The following EHMT1 variants were observed in gnomAD, a reference collection of about 807,000 sequenced individuals.
EHMT1 encodes euchromatic histone lysine methyltransferase 1.
Under a neutral mutation model 147.2 loss-of-function variants are expected in EHMT1, and 15 were observed. That is an observed-to-expected ratio of 0.10 (90% CI 0.07 to 0.16). The LOEUF is 0.16. Ranked by LOEUF, EHMT1 falls within the 10% of genes least tolerant of loss-of-function variation. The pLI is 1.00. For missense variants in EHMT1, 1,587 were observed against 1,772.4 expected, an observed-to-expected ratio of 0.90 and a Z score of 1.88; for synonymous variants, 795 against 709.6, an observed-to-expected ratio of 1.12 and a Z score of -1.91.
chr9:137,751,379 C>T (rs1369527338), intron 6 of EHMT1, among the ~76,000 whole-genome samples: 1 of 152,194 alleles, frequency 6.6e-6, no homozygotes. Context: ...TGGTCTTGAA[C>T]TTCTGGCCTC....
intron 1 of EHMT1, among the ~76,000 whole-genome samples, chr9:137,694,024 G>A (rs1235596531): frequency 4.7e-5 from 5 of 105,512 alleles, no homozygotes; most frequent in South Asian, 3.7e-4. Context: ...CCCACCAGGC[G>A]ATGGTGCTGG....
At chr9:137,703,583 T>C (rs1944016763) in intron 1 of EHMT1, among the ~76,000 whole-genome samples, 1 of 152,178 alleles carries the variant, frequency 6.6e-6, no homozygotes, top group South Asian at 2.1e-4. Flanking sequence ...GTGCCGCCTG[T>C]CTCTTTGCTA....
intron 4 of EHMT1, among the ~76,000 whole-genome samples, chr9:137,730,567 A>G (rs1588421446): frequency 6.6e-6 from 1 of 152,170 alleles, no homozygotes; most frequent in African/African-American, 2.4e-5. Flanking sequence ...CTAGGATTAC[A>G]GGCGTGGGCC....
rs918450146 is a variant in EHMT1, at chr9:137,806,723, G to C, written c.2713-4738G>C. Among the ~76,000 whole-genome samples the C allele has an allele frequency of 3.9e-5, 6 of 152,354 alleles. No homozygotes were observed. In the South Asian group the frequency reaches 1.2e-3, roughly 32 times the overall value. On this transcript the variant is annotated intron_variant, in intron 18 of 26. Transcript: ENST00000460843. ...GCTGGGATTACAGGCGTAAGCCCCTGTGCCCAGCCCTCTTACAGCTCTTTA... is the reference window on the plus strand; with the variant it reads ...GCTGGGATTACAGGCGTAAGCCCCTCTGCCCAGCCCTCTTACAGCTCTTTA...
At position 137,775,459 on chromosome 9, in the gene EHMT1, C is replaced by T. The variant is rs995545630; in HGVS notation, c.1791+207C>T. 1.3e-5 allele frequency among the ~76,000 whole-genome samples: 2 copies of T among 151,902 alleles called. No individual in the cohort carries two copies. Among genetic ancestry groups the T allele is most frequent in the Non-Finnish European group, 2.9e-5 (2 of 67,968 alleles). On this transcript the variant is annotated intron_variant, in intron 11 of 26. Transcript: ENST00000460843. The surrounding 1 kb of genome is among the most constrained non-coding windows in gnomAD (Gnocchi z 6.1). ...CTTAGACACCTTCACCCCCAACCCC[C>T]ATTTCCCTCCTACCGCCTGGAAACC...
intron 25 of EHMT1, among the ~76,000 whole-genome samples, chr9:137,824,364 T>G (rs1955665017): frequency 6.6e-6 from 1 of 152,228 alleles, no homozygotes; most frequent in African/African-American, 2.4e-5. Flanking sequence ...TTTGTTCCTT[T>G]GATCTATTTG....
chr9:137,628,026 T>C (rs1366797575), intron 1 of EHMT1, among the ~76,000 whole-genome samples: 1 of 152,198 alleles, frequency 6.6e-6, no homozygotes, highest in Non-Finnish European at 1.5e-5. Context: ...GGTGGACCTT[T>C]TTATGGGGCT....
chr9:137,629,195 C>T lies in EHMT1; in HGVS notation c.21+10146C>T, dbSNP rs1218868949. On this transcript the variant is annotated intron_variant, in intron 1 of 26. Coordinates refer to ENST00000460843, the MANE Select transcript of EHMT1 (RefSeq NM_024757.5). ...GGAACCTCCGCCTCCCAGGTTCAAG[C>T]GATTCTCCAGCCTCAGCCTCCCGAG... 5.3e-5 allele frequency among the ~76,000 whole-genome samples: 8 copies of T among 151,086 alleles called. 1 individual carries two copies. The South Asian group carries it at 8.4e-4, about 16-fold the overall frequency.
intron 4 of EHMT1, among the ~76,000 whole-genome samples, chr9:137,737,403 C>T (rs766934854): frequency 9.2e-5 from 14 of 152,112 alleles, no homozygotes; most frequent in East Asian, 1.9e-4. Context: ...GACCATTCAA[C>T]GGGGGAAAGG....
In EHMT1 at chr9:137,655,851, G is replaced by T. The variant is rs184713333; in HGVS notation, c.21+36802G>T. Among the ~76,000 whole-genome samples the T allele has an allele frequency of 3.0e-4, 45 of 152,246 alleles. 1 individual carries two copies. Among genetic ancestry groups the T allele is most frequent in the African/African-American group, 1.1e-3 (44 of 41,550 alleles). On this transcript the variant is annotated intron_variant, in intron 1 of 26. Coordinates refer to ENST00000460843, the MANE Select transcript of EHMT1 (RefSeq NM_024757.5). The stretch of plus-strand genomic sequence containing the variant: ...GCTACCCTCCTCACCTTTTGTCCAT[G>T]GAAACATCGTCTTCCATGAAATGAG...
chr9:137,796,158 G>A (rs1473982452), intron 16 of EHMT1, among the ~76,000 whole-genome samples: 1 of 152,240 alleles, frequency 6.6e-6, no homozygotes, highest in Non-Finnish European at 1.5e-5. Context: ...GCTTGCACGT[G>A]GCAAGCAGGT....
intron 1 of EHMT1, among the ~76,000 whole-genome samples, chr9:137,628,481 C>A (rs773975560): frequency 6.6e-6 from 1 of 152,182 alleles, no homozygotes; most frequent in African/African-American, 2.4e-5. Flanking sequence ...TGGAGTCTCA[C>A]TGTGTTGCCC....
chr9:137,662,903 C>G lies in EHMT1; in HGVS notation c.21+43854C>G, dbSNP rs189199852. Among the ~76,000 whole-genome samples the G allele has an allele frequency of 8.5e-5, 13 of 152,162 alleles. No individual in the cohort carries two copies. In the East Asian group the frequency reaches 2.5e-3, roughly 30 times the overall value. ...CTGCCTCCTGGGTTCCAGCGATTCT[C>G]CTGCCTCACCCTCTTGGGTAGCTGG... On this transcript the variant is annotated intron_variant, in intron 1 of 26. Transcript: ENST00000460843.
At chr9:137,677,624 A>G (rs111290133) in intron 1 of EHMT1, among the ~76,000 whole-genome samples, 4,320 of 151,984 alleles carry the variant, frequency 0.028, 182 homozygotes, top group African/African-American at 0.098. Context: ...ACGGGGTTTC[A>G]TCGTGTTAGC....
At chr9:137,625,330 C>T (rs189344625) in intron 1 of EHMT1, among the ~76,000 whole-genome samples, 2 of 152,252 alleles carry the variant, frequency 1.3e-5, no homozygotes, top group Admixed American at 1.3e-4. Flanking sequence ...GCTGTGAAAT[C>T]TGAAGATTGA....
At chr9:137,675,351 G>C (rs1010042404) in intron 1 of EHMT1, 9 of 152,198 alleles carry the variant, frequency 5.9e-5, no homozygotes, top group African/African-American at 1.7e-4. Context: ...CTTAAAATAA[G>C]GTAGCGGTGG....
chr9:137,716,942 A>C lies in EHMT1; in HGVS notation c.402A>C (p.Ala134=). Residue 134 remains alanine, a synonymous_variant, in exon 3 of 27, where the codon GCA becomes GCC. Coordinates refer to ENST00000460843, the MANE Select transcript of EHMT1 (RefSeq NM_024757.5). The part of the protein sequence containing the change: ...GYILNKPALQ[A]QPLRTTSTLA... ...TCTTAAATAAGCCGGCCCTACAGGC[A>C]CAGCCCTTGAGGACTACCAGCACTC... 6.2e-7 allele frequency: 1 copy of C among 1,612,946 alleles called. No individual in the cohort carries two copies. The highest frequency in any genetic ancestry group is 8.5e-7 in the Non-Finnish European group (1 of 1,179,846).
intron 4 of EHMT1, chr9:137,738,928 G>C (rs949505845): frequency 1.3e-5 from 2 of 152,376 alleles, no homozygotes; most frequent in African/African-American, 4.8e-5. Flanking sequence ...AATGGGAACA[G>C]AGCTTCAGTT....
intron 25 of EHMT1, among the ~76,000 whole-genome samples, chr9:137,825,300 C>T (rs1363809017): frequency 6.6e-6 from 1 of 152,174 alleles, no homozygotes. Flanking sequence ...GTGTGTGGGC[C>T]GACTCCCTCT....
Sources: allele counts gnomAD v4.1 joint callset (sites outside exome capture counted in the v4.1 genomes callset), GRCh38; gene constraint gnomAD v4.1.1; non-coding constraint Gnocchi (gnomAD v3.1); transcripts MANE v1.5; gene names NCBI Gene and HGNC (gene_info 2026-07-23, HGNC 2026-07-21).